Variants in TAF1C observed in about 807,000 individuals in gnomAD.
TAF1C encodes the protein TATA box-binding protein-associated factor RNA polymerase I subunit C.
In TAF1C, 79 loss-of-function variants were observed where a neutral mutation model predicts 70.5. That is an observed-to-expected ratio of 1.12 (90% confidence interval 0.93 to 1.35). The LOEUF is 1.35. TAF1C is among the 40% of genes most tolerant of loss of function. TAF1C has a pLI of 0.00. For synonymous variants in TAF1C, 614 were observed against 491.1 expected, an observed-to-expected ratio of 1.25 and a Z score of -3.31; for missense variants, 1,412 against 1,127.8, an observed-to-expected ratio of 1.25 and a Z score of -3.61.
intron 2 of TAF1C, among the ~76,000 whole-genome samples, chr16:84,184,028 C>T (rs764447387): frequency 1.3e-5 from 2 of 152,190 alleles, no homozygotes; most frequent in East Asian, 1.9e-4. Flanking sequence ...CTCCTGTTTC[C>T]GACCTCCACC....
chr16:84,183,680 G>A lies in TAF1C; in HGVS notation c.220+17C>T. ...GTGGAGCAGTGTGGAGTGAGCCCGG[G>A]GGAATGAGACCCTTACCGATGAGGG... On this transcript the variant is annotated intron_variant, in intron 3 of 14. Transcript: ENST00000566732. 6.2e-7 allele frequency: 1 copy of A among 1,606,852 alleles called. No homozygotes were observed. The highest frequency in any genetic ancestry group is 8.5e-7 in the Non-Finnish European group (1 of 1,175,674).
At position 84,178,757 on chromosome 16, in the gene TAF1C, AACT is replaced by A; in HGVS notation, c.*181_*183del. The A allele has an allele frequency of 4.7e-6, 3 of 634,610 alleles. No individual in the cohort carries two copies. The highest frequency in any genetic ancestry group is 8.0e-6 in the Non-Finnish European group (3 of 373,492). The allele number at this position is 634,610 out of a possible 1,614,324, so 39.3% of individuals were successfully genotyped here. A position where few individuals can be genotyped will look rare whatever the true frequency, so the allele number is the denominator to read the frequency against. Reference sequence around the variant, plus strand: ...AGGCGAATATACAAAATACAAAAGAAACTACTACTGTATTTTGTTGCCCTGTCC... The same window carrying A: ...AGGCGAATATACAAAATACAAAAGAAACTACTGTATTTTGTTGCCCTGTCC... On this transcript the variant is annotated 3_prime_UTR_variant, in exon 15 of 15. Coordinates refer to ENST00000566732, the MANE Select transcript of TAF1C (RefSeq NM_001243156.2).
chr16:84,182,187 C>A lies in TAF1C; in HGVS notation c.721+15G>T, dbSNP rs377664551. The stretch of plus-strand genomic sequence containing the variant: ...GCGAGCCCGCTGGAATCTCCTGTCT[C>A]GCAAGAAAGGATACGCAGCCTGTCC... On this transcript the variant is annotated intron_variant, in intron 7 of 14. Transcript: ENST00000566732. The surrounding 1 kb of genome is among the most constrained non-coding windows in gnomAD (Gnocchi z 5.0). The A allele has an allele frequency of 6.2e-7, 1 of 1,600,786 alleles. No individual in the cohort carries two copies. The highest frequency in any genetic ancestry group is 1.1e-5 in the South Asian group (1 of 90,256).
In TAF1C at chr16:84,181,474, C is replaced by A. The variant is rs773955844; in HGVS notation, c.1029-11G>T. 5 of 1,613,626 alleles carry A rather than the reference C, an allele frequency of 3.1e-6. No homozygotes were observed. Among genetic ancestry groups the A allele is most frequent in the Non-Finnish European group, 4.2e-6 (5 of 1,179,920 alleles). ...TAGATTTGCCGCAGCCTTGGGGAGA[C>A]AGGCAAGCCGTGGGCAGGGGGACAG... On this transcript the variant is annotated splice_polypyrimidine_tract_variant and intron_variant, in intron 10 of 14. Coordinates refer to ENST00000566732, the MANE Select transcript of TAF1C (RefSeq NM_001243156.2).
Position 84,179,784 on chromosome 16 carries a change from C to A in TAF1C, c.1689G>T (p.Ser563=). 1 of 1,609,890 alleles carries A rather than the reference C, an allele frequency of 6.2e-7. No individual in the cohort carries two copies. Residue 563 remains serine, a synonymous_variant, in exon 15 of 15, where the codon TCG becomes TCT. Transcript: ENST00000566732. ...GCTGGTAGAAGACATCTCCCGCCGC[C>A]GAGAGCTGGAAGAGCACCAGGCCTG... ...PTPGLVLFQL[S]AAGDVFYQQL... is the part of the protein sequence containing the mutation.
At position 84,182,145 on chromosome 16, in the gene TAF1C, C is replaced by G; in HGVS notation, c.721+57G>C. ...GCCCTTCTCTGGACCATGCCAAGAG[C>G]ACCTCCTCTACCAGAGGCGAGCCCG... On this transcript the variant is annotated intron_variant, in intron 7 of 14. Transcript: ENST00000566732. This position sits in a 1 kb window ranked among gnomAD's most constrained non-coding sequence, Gnocchi z 5.0. 6.3e-7 allele frequency: 1 copy of G among 1,590,202 alleles called. No individual in the cohort carries two copies. Among genetic ancestry groups the G allele is most frequent in the Admixed American group, 1.7e-5 (1 of 58,678 alleles).
Position 84,178,944 on chromosome 16 carries a change from G to C in TAF1C, c.2529C>G (p.Phe843Leu). The change falls in exon 15 of 15, where the codon TTC becomes TTG. Residue 843 changes from phenylalanine (F) to leucine (L), a missense_variant. Transcript: ENST00000566732. ...QPLRKKPRMG[F>L] ...GAGGGCAGCCCACCTTGTGTCCTCA[G>C]AAGCCCATTCGAGGCTTCTTCCGGA... The C allele has an allele frequency of 6.3e-7, 1 of 1,599,384 alleles. No individual in the cohort carries two copies. The highest frequency in any genetic ancestry group is 8.5e-7 in the Non-Finnish European group (1 of 1,174,342).
chr16:84,182,280 C>A lies in TAF1C; in HGVS notation c.643G>T (p.Ala215Ser). 6.2e-7 allele frequency: 1 copy of A among 1,613,060 alleles called. No homozygotes were observed. The highest frequency in any genetic ancestry group is 8.5e-7 in the Non-Finnish European group (1 of 1,179,984). ...GTCCTTCCAGGAACCCAGGCCAGCG[C>A]GCCCCCAGTGCAGGCCTCATCCAGA... ...LLLDEACTGG[A>S]LAWVPGRTPQ... Residue 215 changes from alanine (A) to serine (S), a missense_variant, in exon 7 of 15, where the codon GCG (alanine) becomes TCG (serine). Coordinates refer to ENST00000566732, the MANE Select transcript of TAF1C (RefSeq NM_001243156.2). The surrounding 1 kb of genome is among the most constrained non-coding windows in gnomAD (Gnocchi z 5.0).
rs1315724927 is a variant in TAF1C at position 84,183,529 on chromosome 16, G to A, written c.221-22C>T. On this transcript the variant is annotated intron_variant, in intron 3 of 14. Transcript: ENST00000566732. ...GGATCTGAGAAGGAGGTTACGGAAA[G>A]GGCTGGGGAGGGCACAGGAGTGCGG... is the stretch of plus-strand genomic sequence containing the variant. 9.4e-6 allele frequency: 15 copies of A among 1,595,442 alleles called. 1 individual carries two copies. The highest frequency in any genetic ancestry group is 1.7e-5 in the Admixed American group (1 of 57,962).
At chr16:84,186,717 G>A (rs1282335860) in intron 1 of TAF1C, among the ~76,000 whole-genome samples, 184 bp downstream of exon 1, 1 of 152,198 alleles carries the variant, frequency 6.6e-6, no homozygotes, top group Non-Finnish European at 1.5e-5. Flanking sequence ...GGGCTCTCCA[G>A]GACCCTTTAG....
At chr16:84,181,252 G>A in intron 11 of TAF1C, 66 bp from the exon 12 acceptor site, 1 of 1,598,224 alleles carries the variant, frequency 6.3e-7, no homozygotes, top group South Asian at 1.1e-5. Flanking sequence ...CCTCGCCCAG[G>A]CCGCAGCCAG....
rs3208968 is a variant in TAF1C, at chr16:84,178,363, A to C, written c.*578T>G. ...TGGCGGGACGCTGTCCAGCCTAAAA[A>C]ACGTGACCATTCCAATTCATCTTCA... On this transcript the variant is annotated 3_prime_UTR_variant, in exon 15 of 15. Coordinates refer to ENST00000566732, the MANE Select transcript of TAF1C (RefSeq NM_001243156.2). 0.36 allele frequency: 164,228 copies of C among 456,584 alleles called. 30,794 individuals carry two copies. The highest frequency in any genetic ancestry group is 0.46 in the Admixed American group (19,717 of 42,570). The allele number at this position is 456,584 out of a possible 1,614,324, so 28.3% of individuals were successfully genotyped here. A position where few individuals can be genotyped will look rare whatever the true frequency, so the allele number is the denominator to read the frequency against.
At chr16:84,180,443 C>G (rs1287787850) in intron 12 of TAF1C, 99 bp from the exon 13 acceptor site, 3 of 1,253,436 alleles carry the variant, frequency 2.4e-6, no homozygotes, top group East Asian at 2.7e-5. Flanking sequence ...AGTGCAGAGC[C>G]CTGAGGGGCA....
chr16:84,182,472 C>T lies in TAF1C; in HGVS notation c.483-32G>A, dbSNP rs771317679. 4.0e-5 allele frequency: 63 copies of T among 1,574,772 alleles called. No individual in the cohort carries two copies. Among genetic ancestry groups the T allele is most frequent in the Middle Eastern group, 3.4e-4 (2 of 5,944 alleles). ...ACCAGAGAACAGCAGGAGGATCACT[C>T]GGTGGCACTCAGGGGAGGACAGGTC... On this transcript the variant is annotated intron_variant, in intron 6 of 14. Coordinates refer to ENST00000566732, the MANE Select transcript of TAF1C (RefSeq NM_001243156.2). The surrounding 1 kb of genome is among the most constrained non-coding windows in gnomAD (Gnocchi z 5.0).
intron 14 of TAF1C, 44 bp downstream of exon 14, chr16:84,179,902 G>A: frequency 6.2e-7 from 1 of 1,608,508 alleles, no homozygotes; most frequent in Non-Finnish European, 8.5e-7. Context: ...GGGAGGGGAT[G>A]TTTTCCACTG....
intron 1 of TAF1C, 122 bp from the exon 2 acceptor site, chr16:84,185,182 CAGG>C: frequency 1.7e-6 from 1 of 579,454 alleles, no homozygotes; most frequent in South Asian, 3.0e-5. Flanking sequence ...ACCACCCGTC[CAGG>C]AGAAGGGGAT....
chr16:84,186,431 G>A (rs748465863), intron 1 of TAF1C, among the ~76,000 whole-genome samples: 15 of 152,172 alleles, frequency 9.9e-5, no homozygotes, highest in Non-Finnish European at 1.8e-4. Flanking sequence ...GTGTACACCT[G>A]TAATCGCAAC....
At position 84,183,127 on chromosome 16, in the gene TAF1C, A is replaced by T; in HGVS notation, c.431T>A (p.Val144Glu). ...CTGGAGCAGCTTCTTCACACTGACC[A>T]CTGTCTTCTTCTTAGTGCGGCTCTG... ...GAGSRTKKKT[V>E]VSVKKLLQDL... The change falls in exon 6 of 15, where the codon GTG (valine) becomes GAG (glutamate). Residue 144 changes from valine (V) to glutamate (E), a missense_variant. Physicochemically the swap from Val to Glu is moderately radical, Grantham distance 121. Coordinates refer to ENST00000566732, the MANE Select transcript of TAF1C (RefSeq NM_001243156.2). 2 of 1,613,704 alleles carry T rather than the reference A, an allele frequency of 1.2e-6. No homozygotes were observed. Among genetic ancestry groups the T allele is most frequent in the South Asian group, 2.2e-5 (2 of 91,058 alleles).
In TAF1C at chr16:84,180,812, T is replaced by TG. The variant is rs141339370; in HGVS notation, c.1308+230dup. The TG allele has an allele frequency of 4.7e-3, 6,146 of 1,307,870 alleles. 253 individuals are homozygous for TG. In the African/African-American group the frequency reaches 0.082, roughly 17 times the overall value. The allele number at this position is 1,307,870 out of a possible 1,614,324, so 81.0% of individuals were successfully genotyped here. A position where few individuals can be genotyped will look rare whatever the true frequency, so the allele number is the denominator to read the frequency against. On this transcript the variant is annotated intron_variant, in intron 12 of 14. Transcript: ENST00000566732. ...GGCCCCTCCTCCCCTGCTCCACCCC[T>TG]GGCTGCACCTCGAAGCTCTACTAAG...
Sources: allele counts gnomAD v4.1 joint callset (sites outside exome capture counted in the v4.1 genomes callset), GRCh38; gene constraint gnomAD v4.1.1; non-coding constraint Gnocchi (gnomAD v3.1); transcripts MANE v1.5; gene names NCBI Gene and HGNC (gene_info 2026-07-23, HGNC 2026-07-21).